The following RYR2 variants were observed in gnomAD, a reference collection of about 807,000 sequenced individuals.
RYR2 encodes the protein cardiac muscle ryanodine receptor-calcium release channel.
A neutral mutation model predicts 601.1 loss-of-function variants in RYR2; 227 were observed. The ratio of observed to expected loss-of-function variants is 0.38; its 90% CI spans 0.34 to 0.42. RYR2 has a LOEUF of 0.42. Among genes scored for constraint, RYR2 ranks in the 10% least tolerant of loss-of-function variants. The probability of loss-of-function intolerance (pLI) is 1.00; values close to 1 mark genes in which losing one functional copy is unlikely to be tolerated. For missense variants in RYR2, 4,646 were observed against 6,156.5 expected (o/e 0.75, Z 8.21); for synonymous variants, 2,223 against 2,175.1 (o/e 1.02, Z -0.61).
chr1:237,074,927 A>C (rs1484773651), intron 1 of RYR2, among the ~76,000 whole-genome samples: 2 of 152,114 alleles, frequency 1.3e-5, no homozygotes, highest in Non-Finnish European at 2.9e-5. Flanking sequence ...AGAAATACTG[A>C]ACATGCAGCT....
intron 1 of RYR2, among the ~76,000 whole-genome samples, chr1:237,200,493 G>T (rs1486290619): frequency 6.6e-6 from 1 of 152,120 alleles, no homozygotes; most frequent in African/African-American, 2.4e-5. Context: ...TTGAACTCCT[G>T]GTCTCAAGTG....
intron 17 of RYR2, among the ~76,000 whole-genome samples, chr1:237,478,222 C>A (rs1661621542): frequency 6.6e-6 from 1 of 152,170 alleles, no homozygotes; most frequent in Admixed American, 6.5e-5. Flanking sequence ...TTAGGAGAAG[C>A]AGAGCTCATA....
chr1:237,380,386 A>G (rs1297516153), intron 8 of RYR2, among the ~76,000 whole-genome samples: 25 of 25,664 alleles, frequency 9.7e-4, no homozygotes, highest in African/African-American at 3.5e-3. Context: ...ATATATATAT[A>G]TATATATATA....
At chr1:237,350,627 A>C (rs1180742140) in intron 3 of RYR2, among the ~76,000 whole-genome samples, 2 of 124,452 alleles carry the variant, frequency 1.6e-5, no homozygotes, top group African/African-American at 6.1e-5. Context: ...ATATATATAT[A>C]TATATATCTC....
At chr1:237,697,381 G>A (rs1687561495) in intron 63 of RYR2, among the ~76,000 whole-genome samples, 1 of 134,094 alleles carries the variant, frequency 7.5e-6, no homozygotes, top group South Asian at 2.3e-4. Flanking sequence ...ATATATAATT[G>A]CATATTATAT....
intron 24 of RYR2, among the ~76,000 whole-genome samples, chr1:237,524,625 T>C (rs1368214155): frequency 6.6e-6 from 1 of 152,176 alleles, no homozygotes; most frequent in African/African-American, 2.4e-5. Flanking sequence ...TCCCTCAGCA[T>C]AGCATATGAG....
chr1:237,501,638 C>T (rs1664651367), intron 21 of RYR2, among the ~76,000 whole-genome samples: 1 of 152,120 alleles, frequency 6.6e-6, no homozygotes, highest in Non-Finnish European at 1.5e-5. Context: ...ATAATTCTCC[C>T]AGGAATAATT....
At chr1:237,350,570 TCAAAAAAAAAAAAA>T (rs1698685716) in intron 3 of RYR2, among the ~76,000 whole-genome samples, 1 of 24,008 alleles carries the variant, frequency 4.2e-5, no homozygotes, top group Admixed American at 6.7e-4. Flanking sequence ...AGACTCTGTC[TCAAAAAAAAAAAAA>T]AAAAAAAAAA....
chr1:237,480,045 A>G (rs1419644669), intron 17 of RYR2, among the ~76,000 whole-genome samples: 1 of 152,170 alleles, frequency 6.6e-6, no homozygotes, highest in African/African-American at 2.4e-5. Flanking sequence ...TGAATGGTCC[A>G]TTTGATGTAC....
chr1:237,091,441 G>T (rs1442488508), intron 1 of RYR2, among the ~76,000 whole-genome samples: 3 of 148,506 alleles, frequency 2.0e-5, no homozygotes, highest in South Asian at 2.1e-4. Flanking sequence ...GGGGGGCGGG[G>T]GGGGATAGGG....
At chr1:237,288,351 C>T (rs1188175850) in intron 2 of RYR2, among the ~76,000 whole-genome samples, 5 of 152,086 alleles carry the variant, frequency 3.3e-5, no homozygotes, top group African/African-American at 7.2e-5. Context: ...GAGGAACTGG[C>T]GGTGGGCAGG....
chr1:237,178,554 G>A (rs1379080563), intron 1 of RYR2, among the ~76,000 whole-genome samples: 1 of 151,836 alleles, frequency 6.6e-6, no homozygotes, highest in African/African-American at 2.4e-5. Context: ...GCTAGTTGCG[G>A]TGGCTCACAC....
intron 1 of RYR2, among the ~76,000 whole-genome samples, chr1:237,186,946 C>A (rs60203317): frequency 6.6e-6 from 1 of 152,130 alleles, no homozygotes; most frequent in Non-Finnish European, 1.5e-5. Flanking sequence ...CCTTCCACTG[C>A]GGCTTTTTGA....
Position 237,371,145 on chromosome 1 carries a change from A to G in RYR2, c.384+1537A>G, listed in dbSNP as rs114817119. On this transcript the variant is annotated intron_variant, in intron 6 of 104. Transcript: ENST00000366574. ...TTTTAAACATAATTGAGATGTTACT[A>G]CGTTACCAAATTTATATCATTTTGT... Among the ~76,000 whole-genome samples the G allele has an allele frequency of 9.2e-3, 1,395 of 151,488 alleles. 29 individuals are homozygous for G. The highest frequency in any genetic ancestry group is 0.032 in the African/African-American group (1,336 of 41,246).
Position 237,658,020 on chromosome 1 carries a change from A to G in RYR2, c.8206A>G (p.Lys2736Glu), listed in dbSNP as rs1462518926. ...EHSHDKWSMDKLANGWIYGEI... is the reference protein window; with the variant it reads ...EHSHDKWSMDELANGWIYGEI... ...CTCCCATGACAAATGGTCAATGGACAAGGTAAAAAGAGTATTACATTCTAA... is the reference window on the plus strand; with the variant it reads ...CTCCCATGACAAATGGTCAATGGACGAGGTAAAAAGAGTATTACATTCTAA... The change falls in exon 54 of 105, where the codon AAG becomes GAG. Residue 2736 changes from lysine to glutamate, a missense_variant and splice_region_variant. Physicochemically the swap from Lys to Glu is moderately conservative, Grantham distance 56 (BLOSUM62 1). Coordinates refer to ENST00000366574, the MANE Select transcript of RYR2 (RefSeq NM_001035.3). 2 of 1,476,176 alleles carry G rather than the reference A, an allele frequency of 1.4e-6. No individual in the cohort carries two copies. Among genetic ancestry groups the G allele is most frequent in the Non-Finnish European group, 1.8e-6 (2 of 1,102,006 alleles). The allele number at this position is 1,476,176 out of a possible 1,614,324, so 91.4% of individuals were successfully genotyped here.
At chr1:237,532,841 GACAAA>G (rs1346004951) in intron 25 of RYR2, among the ~76,000 whole-genome samples, 1 of 152,100 alleles carries the variant, frequency 6.6e-6, no homozygotes, top group Non-Finnish European at 1.5e-5. Flanking sequence ...AGTTTTCACT[GACAAA>G]ACAATCAGCT....
At chr1:237,652,747 A>C (rs924885607) in intron 51 of RYR2, among the ~76,000 whole-genome samples, 5 of 152,198 alleles carry the variant, frequency 3.3e-5, no homozygotes, top group Non-Finnish European at 5.9e-5. Context: ...TCGTGAAAAA[A>C]GATACAGTCT....
rs768636940 is a variant in RYR2, at chr1:237,614,730, C to A, written c.5602C>A (p.Leu1868Ile). ...GGAGAGTGACACGCTGGAGAAAGAG[C>A]TCAGTGTGGACGATGCAAAGCTGCA... ...EEESDTLEKE[L>I]SVDDAKLQGA... The change falls in exon 37 of 105, where the codon CTC (leucine) becomes ATC (isoleucine). Residue 1868 changes from leucine to isoleucine, a missense_variant. By Grantham distance (5) the Leu-to-Ile change is conservative. This residue lies in a region of RYR2 where 1,807 missense variants were observed against 2,088.1 expected (regional missense o/e 0.87). Transcript: ENST00000366574. The surrounding 1 kb of genome is among the most constrained non-coding windows in gnomAD (Gnocchi z 4.3). 5 of 1,613,980 alleles carry A rather than the reference C, an allele frequency of 3.1e-6. No individual in the cohort carries two copies. The East Asian group carries it at 1.1e-4, about 36-fold the overall frequency.
At chr1:237,110,931 C>G (rs557447217) in intron 1 of RYR2, among the ~76,000 whole-genome samples, 35 of 152,298 alleles carry the variant, frequency 2.3e-4, no homozygotes, top group African/African-American at 8.4e-4. Context: ...ATTGTGAAGT[C>G]CCCCTTTAAT....
Sources: allele counts gnomAD v4.1 joint callset (sites outside exome capture counted in the v4.1 genomes callset), GRCh38; gene constraint gnomAD v4.1.1; regional missense constraint gnomAD v4.1.1; non-coding constraint Gnocchi (gnomAD v3.1); transcripts MANE v1.5; gene names NCBI Gene and HGNC (gene_info 2026-07-23, HGNC 2026-07-21).